Variants in ATP2B4 observed in about 807,000 individuals in gnomAD.
ATP2B4 encodes plasma membrane calcium-transporting ATPase 4.
A neutral mutation model predicts 110.3 loss-of-function variants in ATP2B4; 39 were observed. The ratio of observed to expected loss-of-function variants is 0.35; its 90% CI spans 0.27 to 0.46. ATP2B4 has a LOEUF of 0.46. ATP2B4 is among the 20% of genes least tolerant of loss of function. ATP2B4 has a pLI of 1.00. For missense variants in ATP2B4, 1,135 were observed against 1,530.9 expected, an observed-to-expected ratio of 0.74 and a Z score of 4.32; for synonymous variants, 538 against 571.7, an observed-to-expected ratio of 0.94 and a Z score of 0.84.
chr1:203,734,978 G>A (rs564779003), intron 20 of ATP2B4, among the ~76,000 whole-genome samples: 2 of 137,706 alleles, frequency 1.5e-5, no homozygotes, highest in East Asian at 4.1e-4. Flanking sequence ...ACTCCAGCCT[G>A]GGTGACAGAG....
At chr1:203,657,144 ATTC>A in intron 1 of ATP2B4, 1 of 827,844 alleles carries the variant, frequency 1.2e-6, no homozygotes, top group Non-Finnish European at 2.1e-6. Flanking sequence ...GGGATGAGGG[ATTC>A]TTCTTTACAC....
At chr1:203,723,747 C>T in intron 18 of ATP2B4, 134 bp from the exon 19 acceptor site, 1 of 645,976 alleles carries the variant, frequency 1.5e-6, no homozygotes, top group Non-Finnish European at 2.6e-6. Flanking sequence ...TTTTCCCTTC[C>T]CCTGCAAGCA....
intron 1 of ATP2B4, among the ~76,000 whole-genome samples, chr1:203,648,143 C>T (rs1009873526): frequency 1.3e-5 from 2 of 152,124 alleles, no homozygotes; most frequent in Non-Finnish European, 2.9e-5. Context: ...AGGCTGGCTC[C>T]TGCTGGTGAT....
intron 17 of ATP2B4, 93 bp from the exon 18 acceptor site, chr1:203,722,385 C>A: frequency 1.0e-6 from 1 of 991,298 alleles, no homozygotes; most frequent in South Asian, 1.4e-5. Context: ...AGAATGGACA[C>A]CAGCCATAAG....
At chr1:203,648,389 G>A (rs1663873099) in intron 1 of ATP2B4, among the ~76,000 whole-genome samples, 1 of 152,172 alleles carries the variant, frequency 6.6e-6, no homozygotes, top group African/African-American at 2.4e-5. Flanking sequence ...CCATGGGGCT[G>A]GGGACAAAGA....
At chr1:203,672,450 C>A (rs1174954229) in intron 1 of ATP2B4, among the ~76,000 whole-genome samples, 2 of 150,798 alleles carry the variant, frequency 1.3e-5, no homozygotes, top group East Asian at 3.9e-4. Flanking sequence ...AATAGCTTTA[C>A]CGTCGCTGGG....
chr1:203,723,415 CAG>C (rs1666397664), intron 18 of ATP2B4, among the ~76,000 whole-genome samples: 3 of 83,966 alleles, frequency 3.6e-5, no homozygotes, highest in Admixed American at 3.1e-4. Flanking sequence ...TCGTTTGAGA[CAG>C]ATATCTCTCT....
intron 1 of ATP2B4, among the ~76,000 whole-genome samples, chr1:203,664,403 A>G (rs527255622): frequency 6.6e-6 from 1 of 152,302 alleles, no homozygotes; most frequent in South Asian, 2.1e-4. Context: ...GTTTGCCTCC[A>G]CTGTTCAGTG....
chr1:203,733,403 G>C, intron 20 of ATP2B4: 1 of 1,612,218 alleles, frequency 6.2e-7, no homozygotes, highest in Admixed American at 1.7e-5. Flanking sequence ...TATGGGCAGT[G>C]AGTGATAGTC....
chr1:203,692,414 A>G (rs1006125261), intron 2 of ATP2B4, among the ~76,000 whole-genome samples: 1 of 152,082 alleles, frequency 6.6e-6, no homozygotes, highest in African/African-American at 2.4e-5. Context: ...CCTGAGCTCA[A>G]GCTATCCTCC....
chr1:203,694,585 G>T (rs568316940), intron 2 of ATP2B4, among the ~76,000 whole-genome samples: 6 of 152,310 alleles, frequency 3.9e-5, no homozygotes, highest in Non-Finnish European at 8.8e-5. Context: ...AGTGAACATG[G>T]AGAAACTAGT....
chr1:203,736,812 G>T (rs1227236337), intron 20 of ATP2B4, among the ~76,000 whole-genome samples: 1 of 152,174 alleles, frequency 6.6e-6, no homozygotes, highest in Non-Finnish European at 1.5e-5. Context: ...GCCCTGGGTG[G>T]ATTGGTGGTG....
At chr1:203,632,804 T>C (rs1439073037) in intron 1 of ATP2B4, among the ~76,000 whole-genome samples, 1 of 152,154 alleles carries the variant, frequency 6.6e-6, no homozygotes, top group African/African-American at 2.4e-5. Context: ...TCGTTTATTG[T>C]ATGATAGATG....
intron 6 of ATP2B4, 92 bp from the exon 7 acceptor site, chr1:203,701,952 G>A: frequency 1.5e-6 from 2 of 1,352,288 alleles, no homozygotes; most frequent in Non-Finnish European, 2.1e-6. Flanking sequence ...CTTTGCTGTT[G>A]TCCTTCTGGG....
In ATP2B4 at chr1:203,743,137, T is replaced by C. The variant is rs1431946223; in HGVS notation, c.*3283T>C. 6.6e-6 allele frequency: 1 copy of C among 152,478 alleles called. No individual in the cohort carries two copies. The highest frequency in any genetic ancestry group is 1.9e-4 in the East Asian group (1 of 5,192). 9.4% of individuals were successfully genotyped at this position (152,478 alleles called of 1,614,324 possible). A position where few individuals can be genotyped will look rare whatever the true frequency, so the allele number is the denominator to read the frequency against. On this transcript the variant is annotated 3_prime_UTR_variant, in exon 21 of 21. Transcript: ENST00000357681. Reference sequence around the variant, plus strand: ...TCCCCTTGAGCTTCAGAGAGGAGAGTTGGCATGGTTAAATCTGAATGGTTA... The same window carrying C: ...TCCCCTTGAGCTTCAGAGAGGAGAGCTGGCATGGTTAAATCTGAATGGTTA...
chr1:203,729,765 G>A, intron 20 of ATP2B4: 1 of 1,340,630 alleles, frequency 7.5e-7, no homozygotes. Context: ...AATTGGGCAG[G>A]CATTGGAGTC....
In ATP2B4 at chr1:203,703,751, A is replaced by G. The variant is rs1486940978; in HGVS notation, c.1037A>G (p.Lys346Arg). ...GACAAGAAGGCAGTCAAGGTGCCTA[A>G]AAAGGAGAAGTCAGTGCTGCAGGGC... ...EKDKKAVKVP[K>R]KEKSVLQGKL... The change falls in exon 8 of 21, where the codon AAA (lysine) becomes AGA (arginine). Residue 346 changes from lysine (K) to arginine (R), a missense_variant. By Grantham distance (26) the Lys-to-Arg change is conservative. Coordinates refer to ENST00000357681, the MANE Select transcript of ATP2B4 (RefSeq NM_001684.5). 1.2e-6 allele frequency: 2 copies of G among 1,614,142 alleles called. No individual in the cohort carries two copies. Among genetic ancestry groups the G allele is most frequent in the South Asian group, 2.2e-5 (2 of 91,076 alleles).
At chr1:203,660,607 C>G (rs112031277) in intron 1 of ATP2B4, among the ~76,000 whole-genome samples, 2,229 of 151,824 alleles carry the variant, frequency 0.015, 49 homozygotes, top group African/African-American at 0.049. Context: ...CGAGACCAGC[C>G]TGGCCAACAT....
At position 203,698,299 on chromosome 1, in the gene ATP2B4, A is replaced by T. The variant is rs1259316237; in HGVS notation, c.336A>T (p.Ala112=). The T allele has an allele frequency of 1.2e-6, 2 of 1,614,146 alleles. No homozygotes were observed. The highest frequency in any genetic ancestry group is 1.7e-6 in the Non-Finnish European group (2 of 1,180,028). ...TCACGCTTATCATCCTGGAGATTGC[A>T]GCCATCATCTCCCTGGTCCTGTCCT... ...QDVTLIILEI[A]AIISLVLSFY... is the part of the protein sequence containing the mutation. Residue 112 remains alanine (A), a synonymous_variant, in exon 3 of 21, where the codon GCA becomes GCT. Transcript: ENST00000357681.
Sources: gnomAD v4.1 joint callset for allele counts (sites outside exome capture counted in the v4.1 genomes callset) on GRCh38, gnomAD v4.1.1 for gene constraint, MANE v1.5 for transcripts, NCBI Gene and HGNC (gene_info 2026-07-23, HGNC 2026-07-21) for gene names.